The following TPO variants were observed in gnomAD, a reference collection of about 807,000 sequenced individuals.
TPO encodes the protein thyroid peroxidase.
A neutral mutation model predicts 96.9 loss-of-function variants in TPO; 78 were observed. The observed-to-expected ratio is 0.81, with a 90% CI of 0.67 to 0.97. The LOEUF (loss-of-function observed/expected upper bound fraction) is 0.97, where lower values mean the gene tolerates loss of function less well. Ranked by LOEUF, TPO falls within the 50% of genes least tolerant of loss-of-function variation. TPO has a pLI of 0.00. For missense variants in TPO, 1,252 were observed against 1,274.8 expected (o/e 0.98, Z 0.27); for synonymous variants, 547 against 538.0 (o/e 1.02, Z -0.23).
rs2124932329 is a variant in TPO at position 1,494,980 on chromosome 2, G to A, written c.2006+941G>A. Among the ~76,000 whole-genome samples, 5 of 152,314 alleles carry A rather than the reference G, an allele frequency of 3.3e-5. No homozygotes were observed. The Middle Eastern group carries it at 0.014, about 414-fold the overall frequency. ...TGTCTCCCTTATAGCTGTGTCTTCA[G>A]CAAACGTGCGGTTTGGAATTCTCTG... On this transcript the variant is annotated intron_variant, in intron 11 of 16. Coordinates refer to ENST00000329066, the MANE Select transcript of TPO (RefSeq NM_001206744.2).
intron 13 of TPO, 66 bp downstream of exon 13, chr2:1,496,831 A>T: frequency 3.1e-6 from 5 of 1,609,664 alleles, no homozygotes; most frequent in Non-Finnish European, 4.2e-6. Context: ...TAACAATGCA[A>T]TGTCATTGAA....
intron 3 of TPO, among the ~76,000 whole-genome samples, chr2:1,432,792 G>A (rs1379911435): frequency 4.4e-5 from 6 of 135,594 alleles, no homozygotes; most frequent in Admixed American, 3.7e-4. Context: ...GCATGCAGGT[G>A]GGGTGAGGCC....
chr2:1,496,181 G>A lies in TPO; in HGVS notation c.2199G>A (p.Arg733=). 6.2e-7 allele frequency: 1 copy of A among 1,613,978 alleles called. No individual in the cohort carries two copies. The highest frequency in any genetic ancestry group is 8.5e-7 in the Non-Finnish European group (1 of 1,179,996). Residue 733 remains arginine (R), a synonymous_variant, in exon 12 of 17, where the codon AGG becomes AGA. Coordinates refer to ENST00000329066, the MANE Select transcript of TPO (RefSeq NM_001206744.2). ...SITGMNLEAW[R]ETFPQDDKCG... ...CTGGCATGAACCTGGAGGCCTGGAG[G>A]GAAACCTTTCCTCAAGGTGAAGTTC...
At position 1,542,710 on chromosome 2, in the gene TPO, A is replaced by G; in HGVS notation, c.*236A>G. The G allele has an allele frequency of 8.0e-7, 1 of 1,252,814 alleles. No homozygotes were observed. The highest frequency in any genetic ancestry group is 1.1e-6 in the Non-Finnish European group (1 of 906,524). 77.6% of individuals were successfully genotyped at this position (1,252,814 alleles called of 1,614,324 possible). On this transcript the variant is annotated 3_prime_UTR_variant, in exon 17 of 17. Transcript: ENST00000329066. ...TGTTCCTTCTGGGGCTTTGCCATTAAAATGTATTTACAGATTACACATCTT... is the reference window on the plus strand; with the variant it reads ...TGTTCCTTCTGGGGCTTTGCCATTAGAATGTATTTACAGATTACACATCTT...
intron 7 of TPO, among the ~76,000 whole-genome samples, chr2:1,476,690 A>C (rs1326809720): frequency 6.6e-6 from 1 of 152,182 alleles, no homozygotes; most frequent in Non-Finnish European, 1.5e-5. Context: ...AGAGCGTCTG[A>C]GCTTTGGGGA....
intron 14 of TPO, chr2:1,513,518 C>T (rs999644234): frequency 6.6e-6 from 1 of 152,260 alleles, no homozygotes; most frequent in Admixed American, 6.5e-5. Flanking sequence ...CTCCCCTGGC[C>T]TGCGAGAGCT....
chr2:1,478,977 CGGA>C (rs1558336394), intron 8 of TPO, among the ~76,000 whole-genome samples: 1 of 152,200 alleles, frequency 6.6e-6, no homozygotes, highest in African/African-American at 2.4e-5. Flanking sequence ...ATCAGCCGGA[CGGA>C]GGAGGCTTAT....
rs552754780 is a variant in TPO at position 1,526,622 on chromosome 2, C to G, written c.2618+9640C>G. Among the ~76,000 whole-genome samples, 26 of 147,176 alleles carry G rather than the reference C, an allele frequency of 1.8e-4. 1 individual carries two copies. The highest frequency in any genetic ancestry group is 5.8e-4 in the African/African-American group (23 of 39,496). On this transcript the variant is annotated intron_variant, in intron 15 of 16. Transcript: ENST00000329066. ...ACAAATCCCCCCAACTCTGTGCAAC[C>G]TCCCCAAATCTCCCCAGTGTGTGCA...
rs141775460 is a variant in TPO, at chr2:1,520,563, G to A, written c.2618+3581G>A. On this transcript the variant is annotated intron_variant, in intron 15 of 16. Transcript: ENST00000329066. ...GGGGTCTCACACTGTATGTTTTGGT[G>A]TGATTGTTATTAATGTGACAAATTG... 1.1e-3 allele frequency among the ~76,000 whole-genome samples: 175 copies of A among 152,316 alleles called. 1 individual carries two copies. The highest frequency in any genetic ancestry group is 3.5e-3 in the Admixed American group (54 of 15,300).
At chr2:1,375,853 T>C (rs1456894025) in intron 1 of TPO, among the ~76,000 whole-genome samples, 1 of 152,180 alleles carries the variant, frequency 6.6e-6, no homozygotes, top group Non-Finnish European at 1.5e-5. Flanking sequence ...TGCGAATCTC[T>C]GATTCCTTTG....
chr2:1,414,299 T>A, intron 1 of TPO, 109 bp from the exon 2 acceptor site: 1 of 1,044,880 alleles, frequency 9.6e-7, no homozygotes. Context: ...CGGTAGAGGC[T>A]GCGTGGAGTC....
intron 7 of TPO, among the ~76,000 whole-genome samples, chr2:1,463,147 G>T (rs1162663259): frequency 1.3e-5 from 2 of 152,200 alleles, no homozygotes; most frequent in Non-Finnish European, 2.9e-5. Flanking sequence ...AGAGGCCCCA[G>T]GGTGGGTCTC....
chr2:1,494,124 A>G, intron 11 of TPO, 85 bp downstream of exon 11: 1 of 1,330,694 alleles, frequency 7.5e-7, no homozygotes. Flanking sequence ...CCAGACCTGC[A>G]TTCACATTCC....
At chr2:1,439,435 G>A (rs1034216557) in intron 5 of TPO, 5 of 152,284 alleles carry the variant, frequency 3.3e-5, no homozygotes, top group African/African-American at 1.2e-4. Flanking sequence ...GTGAGCCACA[G>A]AGGGCCCCTG....
At chr2:1,387,883 G>A (rs574559876) in intron 1 of TPO, among the ~76,000 whole-genome samples, 106 of 152,264 alleles carry the variant, frequency 7.0e-4, no homozygotes, top group African/African-American at 2.4e-3. Flanking sequence ...TACAGATGGG[G>A]TTTTGGTGTG....
chr2:1,402,378 A>G lies in TPO; in HGVS notation n.180+27976A>G, dbSNP rs1026533882. ...GGCCCCGTGGAATCTCCAGACCCCG[A>G]AGGACCTGCTTAGGAAGAGACGGGA... On this transcript the variant is annotated intron_variant and non_coding_transcript_variant, in intron 1 of 5. Transcript: ENST00000497517. 3.3e-5 allele frequency among the ~76,000 whole-genome samples: 5 copies of G among 152,124 alleles called. No homozygotes were observed. The East Asian group carries it at 5.8e-4, about 18-fold the overall frequency.
chr2:1,437,824 G>T (rs1210464235), intron 5 of TPO, among the ~76,000 whole-genome samples: 2 of 111,522 alleles, frequency 1.8e-5, no homozygotes, highest in African/African-American at 6.3e-5. Flanking sequence ...CACCCCTCCT[G>T]CCCTGAAGCC....
chr2:1,489,066 G>C (rs13409953), intron 10 of TPO, among the ~76,000 whole-genome samples: 15,024 of 140,526 alleles, frequency 0.11, 900 homozygotes, highest in Non-Finnish European at 0.14. Flanking sequence ...GCACATGCCC[G>C]GCACATGCCC....
intron 1 of TPO, among the ~76,000 whole-genome samples, chr2:1,374,919 C>T (rs753738674): frequency 1.3e-5 from 2 of 151,654 alleles, no homozygotes; most frequent in Non-Finnish European, 2.9e-5. Flanking sequence ...TTAGTAGAGA[C>T]GGGGTTTCAC....
Sources: gnomAD v4.1 joint callset for allele counts (sites outside exome capture counted in the v4.1 genomes callset) on GRCh38, gnomAD v4.1.1 for gene constraint, MANE v1.5 for transcripts, NCBI Gene and HGNC (gene_info 2026-07-23, HGNC 2026-07-21) for gene names.